PIP5K1B: variants seen among roughly 807,000 people sequenced by gnomAD.
The protein encoded by PIP5K1B is phosphatidylinositol 4-phosphate 5-kinase type-1 beta.
Under a neutral mutation model 67.0 loss-of-function variants are expected in PIP5K1B, and 42 were observed. The observed-to-expected ratio is 0.63, with a 90% CI of 0.49 to 0.81. The LOEUF (loss-of-function observed/expected upper bound fraction) is 0.81. Among genes scored for constraint, PIP5K1B ranks in the 30% least tolerant of loss-of-function variants. The pLI is 0.00. For missense variants in PIP5K1B, 459 were observed against 646.3 expected (o/e 0.71, Z 3.14); for synonymous variants, 214 against 231.4 (o/e 0.92, Z 0.68).
At chr9:68,831,616 A>G (rs938225256) in intron 4 of PIP5K1B, among the ~76,000 whole-genome samples, 3 of 152,220 alleles carry the variant, frequency 2.0e-5, no homozygotes, top group African/African-American at 7.2e-5. Flanking sequence ...ATTATCTGCA[A>G]TAGTAGCAGG....
intron 2 of PIP5K1B, among the ~76,000 whole-genome samples, chr9:68,766,316 A>G (rs930014204): frequency 1.3e-5 from 2 of 152,200 alleles, no homozygotes; most frequent in East Asian, 3.8e-4. Flanking sequence ...CTATTGTTAT[A>G]AATGTATCTA....
At chr9:68,839,059 T>C (rs1821777110) in intron 4 of PIP5K1B, among the ~76,000 whole-genome samples, 1 of 152,204 alleles carries the variant, frequency 6.6e-6, no homozygotes, top group African/African-American at 2.4e-5. Flanking sequence ...TCTTAAGAGT[T>C]AGTGCTTTTT....
chr9:68,961,558 G>T (rs1053789239), intron 14 of PIP5K1B, among the ~76,000 whole-genome samples: 1 of 152,174 alleles, frequency 6.6e-6, no homozygotes, highest in African/African-American at 2.4e-5. Flanking sequence ...ACTGTAGGGC[G>T]ATTTGGCTGG....
chr9:68,986,999 T>C (rs1830120565), intron 14 of PIP5K1B, among the ~76,000 whole-genome samples: 1 of 152,190 alleles, frequency 6.6e-6, no homozygotes, highest in African/African-American at 2.4e-5. Context: ...ATGCCTGTAA[T>C]TGCAGCACTT....
At chr9:68,722,575 T>C (rs1389062609) in intron 1 of PIP5K1B, among the ~76,000 whole-genome samples, 1 of 151,922 alleles carries the variant, frequency 6.6e-6, no homozygotes, top group Non-Finnish European at 1.5e-5. Context: ...TTTTTCCTCT[T>C]TGGAGGCTCA....
chr9:68,914,730 C>G (rs1396069142), intron 8 of PIP5K1B, among the ~76,000 whole-genome samples: 1 of 151,784 alleles, frequency 6.6e-6, no homozygotes, highest in Non-Finnish European at 1.5e-5. Flanking sequence ...AAAAAATAAA[C>G]AAATAAATAA....
intron 1 of PIP5K1B, among the ~76,000 whole-genome samples, chr9:68,724,637 AC>A (rs1252433988): frequency 6.7e-6 from 1 of 150,000 alleles, no homozygotes; most frequent in African/African-American, 2.4e-5. Flanking sequence ...CCTTGCAGAA[AC>A]CTTTCACTTA....
chr9:68,899,736 T>C (rs1485443953), intron 8 of PIP5K1B, among the ~76,000 whole-genome samples: 3 of 152,254 alleles, frequency 2.0e-5, no homozygotes, highest in Non-Finnish European at 2.9e-5. Flanking sequence ...ATGGAAGCAA[T>C]GTTGTAAATG....
intron 1 of PIP5K1B, among the ~76,000 whole-genome samples, chr9:68,728,076 G>T (rs556764626): frequency 6.6e-6 from 1 of 152,362 alleles, no homozygotes; most frequent in South Asian, 2.1e-4. Flanking sequence ...AATGATGGTA[G>T]TGGTGGTGGT....
At chr9:68,842,566 G>A (rs1821971541) in intron 4 of PIP5K1B, among the ~76,000 whole-genome samples, 1 of 152,194 alleles carries the variant, frequency 6.6e-6, no homozygotes, top group Non-Finnish European at 1.5e-5. Context: ...ATAGAAGGGG[G>A]ATGTACCTTG....
At chr9:68,959,516 C>T (rs1427733113) in intron 14 of PIP5K1B, among the ~76,000 whole-genome samples, 2 of 152,088 alleles carry the variant, frequency 1.3e-5, no homozygotes, top group East Asian at 1.9e-4. Context: ...AGTTATTTCT[C>T]TCAACAAAAT....
At chr9:68,995,805 CAA>C (rs35764883) in intron 15 of PIP5K1B, among the ~76,000 whole-genome samples, 20 of 100,306 alleles carry the variant, frequency 2.0e-4, no homozygotes, top group Admixed American at 2.2e-4. Context: ...AACTCCGTCT[CAA>C]AAAAAAAAAA....
intron 2 of PIP5K1B, among the ~76,000 whole-genome samples, chr9:68,755,316 C>G (rs1490340377): frequency 6.6e-6 from 1 of 152,184 alleles, no homozygotes; most frequent in African/African-American, 2.4e-5. Context: ...ACCATGGCAC[C>G]TTGAAAGCAC....
chr9:68,907,514 TG>T (rs1825674715), intron 8 of PIP5K1B, among the ~76,000 whole-genome samples: 1 of 152,136 alleles, frequency 6.6e-6, no homozygotes, highest in South Asian at 2.1e-4. Flanking sequence ...TCTCAGAACC[TG>T]GATTTTCCAT....
intron 13 of PIP5K1B, among the ~76,000 whole-genome samples, chr9:68,937,252 G>T (rs1345594524): frequency 6.6e-6 from 1 of 152,110 alleles, no homozygotes. Context: ...GACTTTTTCT[G>T]GTTGGTAGCC....
At chr9:68,712,920 G>C (rs1827459589) in intron 1 of PIP5K1B, among the ~76,000 whole-genome samples, 1 of 152,202 alleles carries the variant, frequency 6.6e-6, no homozygotes, top group African/African-American at 2.4e-5. Context: ...TCCTAATTAA[G>C]ACACTTTGGT....
In PIP5K1B at chr9:68,780,703, C is replaced by T. The variant is rs1242133954; in HGVS notation, c.-85-37758C>T. ...CCAAGCCCTATTCCCAGCCCAACGA[C>T]CCGATTTACCACCCGGAGAAGCCAG... On this transcript the variant is annotated intron_variant, in intron 2 of 15. Transcript: ENST00000265382. 3.1e-6 allele frequency: 5 copies of T among 1,614,222 alleles called. No individual in the cohort carries two copies. In the Admixed American group the frequency reaches 6.7e-5, roughly 22 times the overall value.
chr9:68,738,619 C>T (rs549913686), intron 1 of PIP5K1B, among the ~76,000 whole-genome samples: 78 of 152,298 alleles, frequency 5.1e-4, no homozygotes, highest in Non-Finnish European at 5.0e-4. Flanking sequence ...TGCTCCATTC[C>T]GGCTGTCATG....
chr9:68,999,346 G>A (rs747547483), intron 15 of PIP5K1B, among the ~76,000 whole-genome samples: 10 of 152,116 alleles, frequency 6.6e-5, no homozygotes, highest in Non-Finnish European at 1.0e-4. Context: ...CCTTACCGAG[G>A]GACCTGTGAA....
Sources: allele counts gnomAD v4.1 joint callset (sites outside exome capture counted in the v4.1 genomes callset), GRCh38; gene constraint gnomAD v4.1.1; transcripts MANE v1.5; gene names NCBI Gene and HGNC (gene_info 2026-07-23, HGNC 2026-07-21).